Variants in CSMD1 observed in about 807,000 individuals in gnomAD.
The protein encoded by CSMD1 is CUB and sushi domain-containing protein 1.
A neutral mutation model predicts 417.5 loss-of-function variants in CSMD1; 213 were observed. That is an observed-to-expected ratio of 0.51 (90% confidence interval 0.46 to 0.57). The LOEUF is 0.57. Ranked by LOEUF, CSMD1 falls within the 20% of genes least tolerant of loss-of-function variation. The pLI is 0.00. For missense variants in CSMD1, 6,923 were observed against 4,529.7 expected, an observed-to-expected ratio of 1.53 and a Z score of -15.17; for synonymous variants, 2,862 against 1,736.8, an observed-to-expected ratio of 1.65 and a Z score of -16.11.
intron 5 of CSMD1, among the ~76,000 whole-genome samples, chr8:3,932,413 A>G (rs1322414343): frequency 2.0e-5 from 3 of 150,432 alleles, no homozygotes; most frequent in East Asian, 3.9e-4. Flanking sequence ...ATCTGCATTG[A>G]CATTTCTCAT....
intron 3 of CSMD1, among the ~76,000 whole-genome samples, chr8:4,335,929 C>T (rs935914533): frequency 6.6e-6 from 1 of 151,894 alleles, no homozygotes; most frequent in African/African-American, 2.4e-5. Context: ...TGAGGGAGCC[C>T]CATATTGGAG....
chr8:4,032,269 T>C (rs944913795), intron 3 of CSMD1, among the ~76,000 whole-genome samples, 170 bp from the exon 4 acceptor site: 11 of 152,248 alleles, frequency 7.2e-5, no homozygotes, highest in African/African-American at 2.4e-4. Flanking sequence ...CTTCAGGTTT[T>C]AGAATATCTG....
intron 1 of CSMD1, among the ~76,000 whole-genome samples, chr8:4,910,557 G>C (rs1805594525): frequency 1.3e-5 from 2 of 152,116 alleles, no homozygotes; most frequent in South Asian, 2.1e-4. Flanking sequence ...CTTTTTTATA[G>C]ACGCTAATTC....
chr8:4,648,150 G>A (rs183115134), intron 1 of CSMD1, among the ~76,000 whole-genome samples: 20 of 152,214 alleles, frequency 1.3e-4, no homozygotes, highest in South Asian at 2.1e-4. Flanking sequence ...TTTGATTTGC[G>A]TTTCTCTGAT....
chr8:4,750,474 G>A (rs935063269), intron 1 of CSMD1, among the ~76,000 whole-genome samples: 1 of 151,996 alleles, frequency 6.6e-6, no homozygotes, highest in Admixed American at 6.6e-5. Flanking sequence ...AACTCTTATG[G>A]GCAATGCCTC....
At chr8:3,281,126 A>T (rs564344593) in intron 26 of CSMD1, among the ~76,000 whole-genome samples, 89 of 152,276 alleles carry the variant, frequency 5.8e-4, no homozygotes, top group African/African-American at 2.1e-3. Context: ...TTTTGAAGCA[A>T]CCCGTATGTC....
intron 12 of CSMD1, among the ~76,000 whole-genome samples, chr8:3,462,076 T>G (rs908512408): frequency 1.3e-5 from 2 of 151,754 alleles, no homozygotes; most frequent in Non-Finnish European, 2.9e-5. Flanking sequence ...TGCTGGGCTG[T>G]ATTTGATCCC....
At chr8:3,835,591 TA>T (rs1212837154) in intron 5 of CSMD1, among the ~76,000 whole-genome samples, 128 of 151,964 alleles carry the variant, frequency 8.4e-4, no homozygotes, top group Non-Finnish European at 2.5e-4. Context: ...GGGATAGCAT[TA>T]GGAGATATGC....
intron 1 of CSMD1, among the ~76,000 whole-genome samples, chr8:4,942,023 T>C (rs1470733231): frequency 3.3e-5 from 5 of 152,210 alleles, no homozygotes; most frequent in Non-Finnish European, 7.3e-5. Flanking sequence ...GTCTTCAAAA[T>C]TACCCTGGGT....
At chr8:3,236,913 G>A (rs751551414) in intron 26 of CSMD1, among the ~76,000 whole-genome samples, 3 of 152,050 alleles carry the variant, frequency 2.0e-5, no homozygotes, top group Non-Finnish European at 4.4e-5. Context: ...GGCGTTCCCT[G>A]GAAAATCTCA....
chr8:4,718,175 C>G (rs1039796523), intron 1 of CSMD1, among the ~76,000 whole-genome samples: 1 of 152,086 alleles, frequency 6.6e-6, no homozygotes, highest in African/African-American at 2.4e-5. Context: ...CAGGGTCTAC[C>G]TATGTAGCCC....
intron 5 of CSMD1, among the ~76,000 whole-genome samples, chr8:3,792,968 A>G (rs1799832087): frequency 6.6e-6 from 1 of 152,270 alleles, no homozygotes; most frequent in South Asian, 2.1e-4. Context: ...GTGAAGGATC[A>G]CCGTCTAGAA....
Position 3,978,167 on chromosome 8 carries a change from A to G in CSMD1, c.818+19736T>C, listed in dbSNP as rs189171895. Among the ~76,000 whole-genome samples the G allele has an allele frequency of 3.3e-3, 510 of 152,270 alleles. 2 individuals are homozygous for G. Among genetic ancestry groups the G allele is most frequent in the African/African-American group, 0.011 (465 of 41,548 alleles). On this transcript the variant is annotated intron_variant, in intron 5 of 69. Transcript: ENST00000635120. ...GAGAAACTTCCTCTCGAGTGAGGAA[A>G]CAGCCTGTCTGCAGGACTCCTGTTA...
chr8:3,695,796 T>G lies in CSMD1; in HGVS notation c.1009+12618A>C, dbSNP rs111981323. 5.3e-5 allele frequency among the ~76,000 whole-genome samples: 8 copies of G among 152,314 alleles called. No homozygotes were observed. The South Asian group carries it at 1.7e-3, about 32-fold the overall frequency. ...TGATGAACTGGATTCAGATTATAAA[T>G]CAACCAGCAAACACTTTTCCAACTT... On this transcript the variant is annotated intron_variant, in intron 7 of 69. Transcript: ENST00000635120.
At chr8:4,944,816 C>G (rs905554092) in intron 1 of CSMD1, among the ~76,000 whole-genome samples, 1 of 151,790 alleles carries the variant, frequency 6.6e-6, no homozygotes, top group Admixed American at 6.6e-5. Flanking sequence ...CAAAATGGTG[C>G]GTGGTGGCTA....
intron 5 of CSMD1, among the ~76,000 whole-genome samples, chr8:3,790,639 G>C (rs1156311688): frequency 6.6e-6 from 1 of 152,140 alleles, no homozygotes; most frequent in Non-Finnish European, 1.5e-5. Context: ...AAAACACAAA[G>C]AGATAATAGC....
intron 9 of CSMD1, among the ~76,000 whole-genome samples, chr8:3,576,471 G>A (rs1800156581): frequency 6.6e-6 from 1 of 152,096 alleles, no homozygotes; most frequent in Non-Finnish European, 1.5e-5. Context: ...TCCTAGACAT[G>A]TGAAAATGGG....
chr8:3,949,616 G>C (rs1049096397), intron 5 of CSMD1, among the ~76,000 whole-genome samples: 4 of 152,088 alleles, frequency 2.6e-5, no homozygotes, highest in African/African-American at 7.2e-5. Flanking sequence ...TGGGTGGTTT[G>C]TTTGGGAGAT....
intron 10 of CSMD1, among the ~76,000 whole-genome samples, chr8:3,502,569 G>A (rs370852991): frequency 6.6e-6 from 1 of 152,158 alleles, no homozygotes; most frequent in East Asian, 1.9e-4. Flanking sequence ...AAAACATGGG[G>A]GAAAACTAAA....
Sources: gnomAD v4.1 joint callset for allele counts (sites outside exome capture counted in the v4.1 genomes callset) on GRCh38, gnomAD v4.1.1 for gene constraint, MANE v1.5 for transcripts, NCBI Gene and HGNC (gene_info 2026-07-23, HGNC 2026-07-21) for gene names.